Variants in BTD observed in about 807,000 individuals in gnomAD.
The protein encoded by BTD is biocytinase.
A neutral mutation model predicts 17.7 loss-of-function variants in BTD; 13 were observed. That is an observed-to-expected ratio of 0.74 (90% CI 0.48 to 1.17). The LOEUF (loss-of-function observed/expected upper bound fraction) is 1.17, where lower values mean the gene tolerates loss of function less well. Among genes scored for constraint, BTD ranks in the 50% most tolerant of loss-of-function variants. The probability of loss-of-function intolerance (pLI) is 0.00; values close to 1 mark genes in which losing one functional copy is unlikely to be tolerated. For missense variants in BTD, 674 were observed against 650.4 expected, an observed-to-expected ratio of 1.04 and a Z score of -0.39; for synonymous variants, 240 against 245.2, an observed-to-expected ratio of 0.98 and a Z score of 0.20.
intron 3 of BTD, among the ~76,000 whole-genome samples, chr3:15,695,533 G>A (rs2069410173): frequency 2.6e-5 from 4 of 152,048 alleles, no homozygotes; most frequent in Admixed American, 2.6e-4. Context: ...TCCCCTTGAA[G>A]GGAAGCAAAG....
chr3:15,675,273 A>G (rs1452298675), intron 3 of BTD, among the ~76,000 whole-genome samples: 3 of 152,176 alleles, frequency 2.0e-5, no homozygotes, highest in Non-Finnish European at 2.9e-5. Context: ...TCCGTCTCAA[A>G]AACAAACAAC....
chr3:15,627,294 C>T (rs2065090036), intron 1 of BTD, among the ~76,000 whole-genome samples: 1 of 152,234 alleles, frequency 6.6e-6, no homozygotes, highest in Non-Finnish European at 1.5e-5. Context: ...GCAATCACAG[C>T]TCACCGCAAC....
chr3:15,631,709 G>T (rs1329529847), intron 1 of BTD, among the ~76,000 whole-genome samples: 2 of 152,150 alleles, frequency 1.3e-5, no homozygotes, highest in Non-Finnish European at 2.9e-5. Context: ...ACTTCAAGAT[G>T]CCACTCTGCA....
intron 1 of BTD, among the ~76,000 whole-genome samples, chr3:15,614,125 C>T (rs2455819): frequency 0.45 from 56,125 of 124,560 alleles, 13,349 homozygotes; most frequent in African/African-American, 0.68. Context: ...TTCTTTCTTT[C>T]TTTTTTTTTT....
intron 3 of BTD, among the ~76,000 whole-genome samples, chr3:15,686,857 G>T (rs1035260091): frequency 6.6e-6 from 1 of 151,944 alleles, no homozygotes; most frequent in Non-Finnish European, 1.5e-5. Flanking sequence ...CAACATGAAT[G>T]CAAATGTAAG....
chr3:15,602,427 T>TA, intron 1 of BTD: 1 of 604,000 alleles, frequency 1.7e-6, no homozygotes, highest in Non-Finnish European at 2.1e-6. Flanking sequence ...GGTCCCTACC[T>TA]ACAACCAGCC....
At chr3:15,619,367 C>A (rs1375069590) in intron 1 of BTD, among the ~76,000 whole-genome samples, 1 of 152,194 alleles carries the variant, frequency 6.6e-6, no homozygotes, top group Non-Finnish European at 1.5e-5. Context: ...GTCACACCAG[C>A]TGGAGTGCAG....
intron 1 of BTD, among the ~76,000 whole-genome samples, chr3:15,607,978 C>T (rs1328108117): frequency 6.6e-6 from 1 of 152,238 alleles, no homozygotes; most frequent in Non-Finnish European, 1.5e-5. Context: ...TACCAAAGCT[C>T]AGCAACAGGC....
Position 15,666,453 on chromosome 3 carries a change from T to C in BTD, c.399+24396T>C, listed in dbSNP as rs1203830267. ...GGTGCTATAAATAGTACCTACCACG[T>C]AGAACAGTTGTGTGGGTTAAGAGAT... On this transcript the variant is annotated intron_variant, in intron 3 of 3. Transcript: ENST00000672141. 2.6e-5 allele frequency among the ~76,000 whole-genome samples: 4 copies of C among 152,348 alleles called. No homozygotes were observed. In the East Asian group the frequency reaches 7.7e-4, roughly 29 times the overall value.
At chr3:15,679,342 T>C in intron 3 of BTD, 1 of 1,614,014 alleles carries the variant, frequency 6.2e-7, no homozygotes, top group Non-Finnish European at 8.5e-7. Flanking sequence ...TGGCACCTAA[T>C]GTATCAATTA....
intron 1 of BTD, among the ~76,000 whole-genome samples, chr3:15,621,023 A>G (rs2064938170): frequency 6.6e-6 from 1 of 152,260 alleles, no homozygotes; most frequent in African/African-American, 2.4e-5. Context: ...AGGGAGTTCT[A>G]ACACGCAAGG....
Position 15,649,095 on chromosome 3 carries a change from T to A in BTD, c.*3607T>A, listed in dbSNP as rs1442639554. 6.6e-6 allele frequency among the ~76,000 whole-genome samples: 1 copy of A among 152,152 alleles called. No homozygotes were observed. Among genetic ancestry groups the A allele is most frequent in the Non-Finnish European group, 1.5e-5 (1 of 68,024 alleles). On this transcript the variant is annotated 3_prime_UTR_variant, in exon 4 of 4. Transcript: ENST00000643237. The stretch of plus-strand genomic sequence containing the variant: ...TTGTTTGAAGCCACCCAGTTCAGGG[T>A]ACTTTGATATGGCAGACCTAGGAAA...
At chr3:15,623,496 T>TAG (rs983783658) in intron 1 of BTD, among the ~76,000 whole-genome samples, 1 of 152,212 alleles carries the variant, frequency 6.6e-6, no homozygotes, top group Non-Finnish European at 1.5e-5. Context: ...CTTCCAGTCT[T>TAG]TTTCTGAGTT....
chr3:15,692,063 C>G lies in BTD; in HGVS notation c.400-17997C>G, dbSNP rs141934878. On this transcript the variant is annotated intron_variant, in intron 3 of 3. Coordinates refer to the BTD transcript ENST00000672141. The stretch of plus-strand genomic sequence containing the variant: ...GCTGAGGCGGAAGTATCACTTGAGT[C>G]TAGGAGGTACAGGCTGCAGTGAGCT... Among the ~76,000 whole-genome samples, 197 of 149,560 alleles carry G rather than the reference C, an allele frequency of 1.3e-3. 1 individual carries two copies. The highest frequency in any genetic ancestry group is 4.7e-3 in the African/African-American group (193 of 40,792).
chr3:15,675,701 T>C (rs776407378), intron 3 of BTD, among the ~76,000 whole-genome samples: 7 of 152,260 alleles, frequency 4.6e-5, no homozygotes, highest in Admixed American at 3.3e-4. Context: ...ACAGATGATA[T>C]AGGAATTCGG....
intron 3 of BTD, chr3:15,679,529 C>G (rs1240823878): frequency 6.2e-7 from 1 of 1,613,204 alleles, no homozygotes; most frequent in Non-Finnish European, 8.5e-7. Flanking sequence ...GGAAAACTTC[C>G]TGTTCTAAAA....
At chr3:15,612,685 TA>T (rs201046186) in intron 1 of BTD, among the ~76,000 whole-genome samples, 476 of 144,902 alleles carry the variant, frequency 3.3e-3, no homozygotes, top group Middle Eastern at 0.021. Context: ...ATTACATCTT[TA>T]ATTTTTTTTT....
At chr3:15,681,722 CTCTAA>C (rs1365562121) in intron 3 of BTD, among the ~76,000 whole-genome samples, 1 of 152,102 alleles carries the variant, frequency 6.6e-6, no homozygotes, top group Admixed American at 6.5e-5. Context: ...CAGTTCTTTT[CTCTAA>C]TCTAGTAGTT....
At chr3:15,698,675 A>C (rs370483118) in intron 3 of BTD, among the ~76,000 whole-genome samples, 12 of 152,284 alleles carry the variant, frequency 7.9e-5, no homozygotes, top group African/African-American at 2.6e-4. Flanking sequence ...TAGGAATCCA[A>C]CTTACAGGGG....
Sources: gnomAD v4.1 joint callset for allele counts (sites outside exome capture counted in the v4.1 genomes callset) on GRCh38, gnomAD v4.1.1 for gene constraint, MANE v1.5 for transcripts, NCBI Gene and HGNC (gene_info 2026-07-23, HGNC 2026-07-21) for gene names.